ZNF385D: variants seen among roughly 807,000 people sequenced by gnomAD.
ZNF385D encodes zinc finger protein 385D, also known as zinc finger protein 659.
ZNF385D carries 15 observed loss-of-function variants against 35.8 expected under a neutral mutation model. The observed-to-expected ratio is 0.42, with a 90% CI of 0.28 to 0.64. The LOEUF (loss-of-function observed/expected upper bound fraction) is 0.64. Ranked by LOEUF, ZNF385D falls within the 30% of genes least tolerant of loss-of-function variation. The probability of loss-of-function intolerance (pLI) is 0.23; values close to 1 mark genes in which losing one functional copy is unlikely to be tolerated. For synonymous variants in ZNF385D, 212 were observed against 186.8 expected (o/e 1.13, Z -1.10); for missense variants, 474 against 494.6 (o/e 0.96, Z 0.39).
chr3:22,048,479 C>G (rs569447499), intron 3 of ZNF385D, among the ~76,000 whole-genome samples: 10 of 152,192 alleles, frequency 6.6e-5, no homozygotes, highest in African/African-American at 2.4e-4. Context: ...CAAGTTTTCC[C>G]AGCCCGATTT....
Position 22,078,539 on chromosome 3 carries a change from T to C in ZNF385D, c.325+90278A>G, listed in dbSNP as rs558943781. ...CAGATGAGAGGATTTTGCAACACTGTATGAAGAAAATCAAGCAAGGCACAG... is the reference window on the plus strand; with the variant it reads ...CAGATGAGAGGATTTTGCAACACTGCATGAAGAAAATCAAGCAAGGCACAG... On this transcript the variant is annotated intron_variant, in intron 3 of 5. Transcript: ENST00000494108. 3.3e-5 allele frequency among the ~76,000 whole-genome samples: 5 copies of C among 152,178 alleles called. No homozygotes were observed. The East Asian group carries it at 9.6e-4, about 29-fold the overall frequency.
chr3:22,298,090 T>C (rs576493638), intron 2 of ZNF385D, among the ~76,000 whole-genome samples: 76 of 152,154 alleles, frequency 5.0e-4, no homozygotes, highest in Non-Finnish European at 9.6e-4. Flanking sequence ...GCTTGATTTA[T>C]TTAAACAGGC....
intron 2 of ZNF385D, among the ~76,000 whole-genome samples, chr3:22,183,406 A>C (rs1158033576): frequency 6.6e-6 from 1 of 152,052 alleles, no homozygotes; most frequent in Non-Finnish European, 1.5e-5. Flanking sequence ...GCTGGAGTGC[A>C]GTGTGCAGTG....
chr3:21,926,064 T>C (rs894998479), intron 3 of ZNF385D, among the ~76,000 whole-genome samples: 2 of 152,164 alleles, frequency 1.3e-5, no homozygotes, highest in East Asian at 1.9e-4. Flanking sequence ...CTGAAAACTT[T>C]TGGAAATTTT....
rs183431400 is a variant in ZNF385D, at chr3:22,191,582, G to A, written c.107-22547C>T. 1.3e-4 allele frequency among the ~76,000 whole-genome samples: 19 copies of A among 151,958 alleles called. 1 individual carries two copies. Among genetic ancestry groups the A allele is most frequent in the Admixed American group, 1.2e-3 (19 of 15,254 alleles). ...TCTTTTAGAGTTAATTCTAGGTGTA[G>A]AATATGTATGATAAAATATGAACAT... On this transcript the variant is annotated intron_variant, in intron 2 of 5. Coordinates refer to the ZNF385D transcript ENST00000494108.
In ZNF385D at chr3:22,301,640, G is replaced by T. The variant is rs545027006; in HGVS notation, c.106+70810C>A. ...CAAAAACGGTAAAGAAAAAAGTCTA[G>T]GTACTTACCAACAGGCTTAAGTGGT... On this transcript the variant is annotated intron_variant, in intron 2 of 5. Coordinates refer to the ZNF385D transcript ENST00000494108. 4.6e-5 allele frequency among the ~76,000 whole-genome samples: 7 copies of T among 152,028 alleles called. No homozygotes were observed. The East Asian group carries it at 1.4e-3, about 29-fold the overall frequency.
chr3:22,190,431 A>G (rs1308050681), intron 2 of ZNF385D, among the ~76,000 whole-genome samples: 7 of 152,194 alleles, frequency 4.6e-5, no homozygotes, highest in Non-Finnish European at 1.5e-5. Context: ...TGCATTTCAA[A>G]TGAGTGGTAA....
At chr3:21,853,431 C>G (rs2125814809) in intron 3 of ZNF385D, among the ~76,000 whole-genome samples, 1 of 151,076 alleles carries the variant, frequency 6.6e-6, no homozygotes, top group East Asian at 2.0e-4. Flanking sequence ...TGATGGTGAT[C>G]AAGGTCATTA....
chr3:22,287,530 G>A (rs1210309099), intron 2 of ZNF385D, among the ~76,000 whole-genome samples: 1 of 151,494 alleles, frequency 6.6e-6, no homozygotes, highest in Non-Finnish European at 1.5e-5. Context: ...ACCTACTATG[G>A]GTTTTTGCTT....
intron 1 of ZNF385D, among the ~76,000 whole-genome samples, chr3:21,677,454 T>C (rs1480366676): frequency 6.6e-6 from 1 of 152,060 alleles, no homozygotes; most frequent in East Asian, 1.9e-4. Flanking sequence ...TGAGCCAGAA[T>C]TAACTAACTA....
chr3:22,107,589 T>G (rs1576332732), intron 3 of ZNF385D, among the ~76,000 whole-genome samples: 1 of 152,248 alleles, frequency 6.6e-6, no homozygotes, highest in East Asian at 1.9e-4. Context: ...TTACATAATT[T>G]TATTTAAAGT....
chr3:21,566,349 G>A (rs953322498), intron 2 of ZNF385D, among the ~76,000 whole-genome samples: 1 of 152,146 alleles, frequency 6.6e-6, no homozygotes, highest in Non-Finnish European at 1.5e-5. Context: ...TATAGGCCAG[G>A]CACGATAGCT....
chr3:21,587,044 T>C (rs903010221), intron 2 of ZNF385D, among the ~76,000 whole-genome samples: 5 of 152,164 alleles, frequency 3.3e-5, no homozygotes, highest in African/African-American at 1.2e-4. Flanking sequence ...AAGAATGTTA[T>C]GTCAGTAAAC....
chr3:21,744,938 C>A (rs1298952650), intron 1 of ZNF385D, among the ~76,000 whole-genome samples: 1 of 152,136 alleles, frequency 6.6e-6, no homozygotes, highest in African/African-American at 2.4e-5. Context: ...TACTAGCTTT[C>A]ATAGGGAATA....
intron 7 of ZNF385D, 49 bp downstream of exon 7, chr3:21,423,914 A>G (rs1700863107): frequency 2.6e-6 from 4 of 1,559,666 alleles, no homozygotes; most frequent in South Asian, 1.2e-5. Flanking sequence ...CAAGAAACCA[A>G]TAATTCCATT....
At chr3:21,972,228 G>C (rs1703302553) in intron 3 of ZNF385D, among the ~76,000 whole-genome samples, 1 of 151,878 alleles carries the variant, frequency 6.6e-6, no homozygotes, top group Non-Finnish European at 1.5e-5. Flanking sequence ...AATTTCAAAA[G>C]AAGAAATTGT....
At chr3:22,202,590 A>G (rs1485799245) in intron 2 of ZNF385D, among the ~76,000 whole-genome samples, 1 of 152,142 alleles carries the variant, frequency 6.6e-6, no homozygotes, top group African/African-American at 2.4e-5. Flanking sequence ...AGAACCAAAA[A>G]TCAGGTAAGT....
chr3:22,070,991 T>C (rs1451625647), intron 3 of ZNF385D, among the ~76,000 whole-genome samples: 3 of 152,192 alleles, frequency 2.0e-5, no homozygotes, highest in East Asian at 3.9e-4. Context: ...TCTGCCAAAA[T>C]TGAAAGATTT....
chr3:21,592,632 T>C (rs1441781773), intron 2 of ZNF385D, among the ~76,000 whole-genome samples: 1 of 151,820 alleles, frequency 6.6e-6, no homozygotes, highest in African/African-American at 2.4e-5. Flanking sequence ...AAAAAAAATC[T>C]ATCTGCAGTA....
Sources: gnomAD v4.1 joint callset for allele counts (sites outside exome capture counted in the v4.1 genomes callset) on GRCh38, gnomAD v4.1.1 for gene constraint, MANE v1.5 for transcripts, NCBI Gene and HGNC (gene_info 2026-07-23, HGNC 2026-07-21) for gene names.